Variants in EEF2K observed in about 807,000 individuals in gnomAD.
EEF2K encodes eukaryotic elongation factor 2 kinase, also known as alternative protein EEF2K.
A neutral mutation model predicts 93.8 loss-of-function variants in EEF2K; 70 were observed. The observed-to-expected ratio is 0.75, with a 90% CI of 0.62 to 0.91. The LOEUF (loss-of-function observed/expected upper bound fraction) is 0.91. EEF2K is among the 40% of genes least tolerant of loss of function. The pLI, the probability that EEF2K is intolerant of heterozygous loss-of-function variation, is 0.00. For synonymous variants in EEF2K, 376 were observed against 380.8 expected (o/e 0.99, Z 0.15); for missense variants, 935 against 972.9 (o/e 0.96, Z 0.52).
chr16:22,220,618 A>G (rs2047002454), intron 1 of EEF2K, among the ~76,000 whole-genome samples: 1 of 151,744 alleles, frequency 6.6e-6, no homozygotes, highest in Admixed American at 6.6e-5. Flanking sequence ...TAATTTTTGT[A>G]TTTTTTCGTA....
chr16:22,231,793 C>T (rs1261831074), intron 2 of EEF2K, among the ~76,000 whole-genome samples: 1 of 151,460 alleles, frequency 6.6e-6, no homozygotes, highest in Non-Finnish European at 1.5e-5. Flanking sequence ...AGTTTGAGAC[C>T]AGCCTGACCT....
chr16:22,244,748 G>A lies in EEF2K; in HGVS notation c.347+18G>A, dbSNP rs757391871. Reference sequence around the variant, plus strand: ...CGACACAGGTCAGCAGCTTGTGTGGGGTCTCGAGGAGTCCTGGGGGCTATA... The same window carrying A: ...CGACACAGGTCAGCAGCTTGTGTGGAGTCTCGAGGAGTCCTGGGGGCTATA... On this transcript the variant is annotated intron_variant, in intron 3 of 17. Coordinates refer to ENST00000263026, the MANE Select transcript of EEF2K (RefSeq NM_013302.5). 7 of 1,613,050 alleles carry A rather than the reference G, an allele frequency of 4.3e-6. No individual in the cohort carries two copies. The South Asian group carries it at 6.6e-5, about 15-fold the overall frequency.
At chr16:22,247,922 C>A (rs1261650079) in intron 3 of EEF2K, among the ~76,000 whole-genome samples, 2 of 152,108 alleles carry the variant, frequency 1.3e-5, no homozygotes, top group African/African-American at 4.8e-5. Context: ...CTGGCAAGAT[C>A]GAGGGCACCA....
intron 2 of EEF2K, among the ~76,000 whole-genome samples, chr16:22,227,978 G>T (rs1598169395): frequency 7.2e-6 from 1 of 139,628 alleles, no homozygotes. Flanking sequence ...ATCCTATGTA[G>T]TTACAGCTAT....
rs1178790164 is a variant in EEF2K, at chr16:22,225,966, C to T, written c.237C>T (p.Phe79=). ...CCAGCGGGTCCCCGGCAAACTCCTTCCACTTCAAGGTGAGTGAGCCACCTA... is the reference window on the plus strand; with the variant it reads ...CCAGCGGGTCCCCGGCAAACTCCTTTCACTTCAAGGTGAGTGAGCCACCTA... ...YSSSGSPANS[F]HFKEAWKHAI... The change falls in exon 2 of 18, where the codon TTC becomes TTT. Residue 79 remains phenylalanine, a synonymous_variant. Transcript: ENST00000263026. The T allele has an allele frequency of 1.2e-6, 2 of 1,614,024 alleles. No homozygotes were observed. The highest frequency in any genetic ancestry group is 8.5e-7 in the Non-Finnish European group (1 of 1,179,908).
At chr16:22,258,920 G>T in intron 10 of EEF2K, 1 of 497,988 alleles carries the variant, frequency 2.0e-6, no homozygotes, top group South Asian at 3.8e-5. Flanking sequence ...TTATCAGTGT[G>T]TTTTATGAAA....
chr16:22,235,883 G>A (rs1261117930), intron 2 of EEF2K, among the ~76,000 whole-genome samples: 1 of 152,028 alleles, frequency 6.6e-6, no homozygotes, highest in African/African-American at 2.4e-5. Context: ...CTGTAGCCTC[G>A]ACCTCCTGAG....
intron 6 of EEF2K, among the ~76,000 whole-genome samples, chr16:22,254,467 C>T (rs1169587650): frequency 1.3e-5 from 2 of 152,114 alleles, no homozygotes; most frequent in African/African-American, 2.4e-5. Context: ...CATGGATGGT[C>T]GTTTCCTTGG....
intron 1 of EEF2K, among the ~76,000 whole-genome samples, chr16:22,215,250 A>G (rs549194839): frequency 2.0e-5 from 3 of 152,196 alleles, no homozygotes; most frequent in Non-Finnish European, 4.4e-5. Flanking sequence ...TTGGGCTTGG[A>G]AAGTAGGGGT....
intron 1 of EEF2K, among the ~76,000 whole-genome samples, chr16:22,224,063 C>T (rs1271329284): frequency 3.9e-5 from 6 of 151,904 alleles, no homozygotes; most frequent in Admixed American, 1.3e-4. Flanking sequence ...AAAAATTAGC[C>T]GCGCGTGGTA....
At chr16:22,265,109 T>TG in intron 13 of EEF2K, 4 of 492,588 alleles carry the variant, frequency 8.1e-6, no homozygotes, top group Non-Finnish European at 1.1e-5. Flanking sequence ...AGCCCCATCC[T>TG]GGAGGGGAAA....
chr16:22,256,320 A>G (rs1223436072), intron 6 of EEF2K, among the ~76,000 whole-genome samples: 1 of 151,566 alleles, frequency 6.6e-6, no homozygotes, highest in Non-Finnish European at 1.5e-5. Flanking sequence ...TTGGTCTCCA[A>G]CTCCTGGCCT....
At chr16:22,224,043 C>A (rs1357302607) in intron 1 of EEF2K, among the ~76,000 whole-genome samples, 1 of 151,944 alleles carries the variant, frequency 6.6e-6, no homozygotes, top group African/African-American at 2.4e-5. Flanking sequence ...CCCGTCTCTA[C>A]TAAAAATACA....
intron 11 of EEF2K, 49 bp from the exon 12 acceptor site, chr16:22,263,061 C>A: frequency 6.4e-7 from 1 of 1,571,822 alleles, no homozygotes; most frequent in South Asian, 1.1e-5. Context: ...TAACCATTTC[C>A]AGGTGCTCAG....
chr16:22,242,955 G>C (rs945439366), intron 2 of EEF2K, among the ~76,000 whole-genome samples: 1 of 151,848 alleles, frequency 6.6e-6, no homozygotes, highest in Non-Finnish European at 1.5e-5. Flanking sequence ...CAGGTATGGT[G>C]GCTCAGCCTG....
At chr16:22,226,401 A>G (rs897260774) in intron 2 of EEF2K, among the ~76,000 whole-genome samples, 41 of 149,496 alleles carry the variant, frequency 2.7e-4, no homozygotes, top group African/African-American at 9.3e-4. Context: ...GGAACATTGC[A>G]AACTGTAAAG....
At position 22,284,602 on chromosome 16, in the gene EEF2K, TTTTA is replaced by T. The variant is rs1233443712; in HGVS notation, c.*610_*613del. On this transcript the variant is annotated 3_prime_UTR_variant, in exon 18 of 18. Transcript: ENST00000263026. ...GCCCATTTTGTGGTTCTATTTTCAT[TTTTA>T]TTTCTTTTTTTTTTTTTGTCACGAG... is the stretch of plus-strand genomic sequence containing the variant. The T allele has an allele frequency of 6.6e-6, 1 of 151,838 alleles. No individual in the cohort carries two copies. Among genetic ancestry groups the T allele is most frequent in the Non-Finnish European group, 1.5e-5 (1 of 68,048 alleles). 9.4% of individuals were successfully genotyped at this position (151,838 alleles called of 1,614,324 possible). A position where few individuals can be genotyped will look rare whatever the true frequency, so the allele number is the denominator to read the frequency against.
intron 2 of EEF2K, among the ~76,000 whole-genome samples, chr16:22,237,995 T>C (rs1567269796): frequency 6.6e-6 from 1 of 152,066 alleles, no homozygotes; most frequent in Non-Finnish European, 1.5e-5. Context: ...CAATAGGTCT[T>C]AGAAATTGCC....
At chr16:22,276,592 G>T (rs987952676) in intron 16 of EEF2K, among the ~76,000 whole-genome samples, 2 of 152,158 alleles carry the variant, frequency 1.3e-5, no homozygotes. Context: ...TGCTAGAAAC[G>T]CCAAGGAAGG....
Sources: gnomAD v4.1 joint callset for allele counts (sites outside exome capture counted in the v4.1 genomes callset) on GRCh38, gnomAD v4.1.1 for gene constraint, MANE v1.5 for transcripts, NCBI Gene and HGNC (gene_info 2026-07-23, HGNC 2026-07-21) for gene names.